MLXIP: variants seen among roughly 807,000 people sequenced by gnomAD.
MLXIP encodes the protein MLX-interacting protein.
MLXIP carries 30 observed loss-of-function variants against 87.2 expected under a neutral mutation model. That is an observed-to-expected ratio of 0.34 (90% confidence interval 0.26 to 0.47). The LOEUF is 0.47. MLXIP is among the 20% of genes least tolerant of loss of function. The pLI is 1.00. For missense variants in MLXIP, 1,002 were observed against 1,240.1 expected (o/e 0.81, Z 2.88); for synonymous variants, 530 against 514.0 (o/e 1.03, Z -0.42).
In MLXIP at chr12:122,143,959, A is replaced by G. The variant is rs1953255401; in HGVS notation, c.*2147A>G. On this transcript the variant is annotated 3_prime_UTR_variant, in exon 17 of 17. Coordinates refer to ENST00000319080, the MANE Select transcript of MLXIP (RefSeq NM_014938.6). ...GGAGATGCATGTCTTTGTATTGGAG[A>G]TATTTCTGTAACTCATTCTCTTGGT... is the stretch of plus-strand genomic sequence containing the variant. 6.6e-6 allele frequency: 1 copy of G among 152,654 alleles called. No individual in the cohort carries two copies. Among genetic ancestry groups the G allele is most frequent in the African/African-American group, 2.4e-5 (1 of 41,426 alleles). 9.5% of individuals were successfully genotyped at this position (152,654 alleles called of 1,614,324 possible).
chr12:122,114,199 T>C (rs1952650777), intron 1 of MLXIP, among the ~76,000 whole-genome samples: 1 of 150,934 alleles, frequency 6.6e-6, no homozygotes, highest in Non-Finnish European at 1.5e-5. Context: ...TTGGCCAGAC[T>C]GTTATCAAAC....
Position 122,137,471 on chromosome 12 carries a change from C to A in MLXIP, c.2035C>A (p.Arg679=). The A allele has an allele frequency of 6.2e-7, 1 of 1,613,450 alleles. No individual in the cohort carries two copies. The highest frequency in any genetic ancestry group is 1.1e-5 in the South Asian group (1 of 91,016). ...TCAGAGGAGTCTGTTCTTACCAGGT[C>A]GGGACTGCCCAAACTCAGGGCAGGC... is the stretch of plus-strand genomic sequence containing the variant. ...SPQVTVTGPS[R]DCPNSGQASP... Residue 679 remains arginine, a splice_region_variant and synonymous_variant, in exon 12 of 17, where the codon CGG becomes AGG. Transcript: ENST00000319080. This position sits in a 1 kb window ranked among gnomAD's most constrained non-coding sequence, Gnocchi z 4.1.
chr12:122,101,148 A>G (rs1380619135), intron 1 of MLXIP, among the ~76,000 whole-genome samples: 4 of 152,200 alleles, frequency 2.6e-5, no homozygotes, highest in African/African-American at 9.6e-5. Flanking sequence ...TGAGATGGAC[A>G]TTCACTTCTT....
At chr12:122,089,668 G>A (rs1343363876) in intron 1 of MLXIP, among the ~76,000 whole-genome samples, 1 of 152,104 alleles carries the variant, frequency 6.6e-6, no homozygotes, top group Non-Finnish European at 1.5e-5. Context: ...CCCAGTGCTG[G>A]GACATTCCAT....
rs968237535 is a variant in MLXIP, at chr12:122,137,609, T to G, written c.2154+19T>G. On this transcript the variant is annotated intron_variant, in intron 12 of 16. Transcript: ENST00000319080. The surrounding 1 kb of genome is among the most constrained non-coding windows in gnomAD (Gnocchi z 4.1). ...ACTAAAGGTACCGCATGTCTCCTCT[T>G]GGTTCCCTTGGGAGGAGGGGAGAGG... The G allele has an allele frequency of 3.1e-6, 5 of 1,612,396 alleles. No individual in the cohort carries two copies. Among genetic ancestry groups the G allele is most frequent in the Non-Finnish European group, 3.4e-6 (4 of 1,178,994 alleles).
At position 122,135,439 on chromosome 12, in the gene MLXIP, C is replaced by A. The variant is rs747991331; in HGVS notation, c.1855-50C>A. 2 of 1,606,994 alleles carry A rather than the reference C, an allele frequency of 1.2e-6. No homozygotes were observed. Among genetic ancestry groups the A allele is most frequent in the Non-Finnish European group, 1.7e-6 (2 of 1,176,828 alleles). On this transcript the variant is annotated intron_variant, in intron 10 of 16. Coordinates refer to ENST00000319080, the MANE Select transcript of MLXIP (RefSeq NM_014938.6). This position sits in a 1 kb window ranked among gnomAD's most constrained non-coding sequence, Gnocchi z 5.3. ...TCACCTGAGACGACTGGTGTGCCGC[C>A]CTGCTGTATATCAGCAGTCAGGGGT...
intron 1 of MLXIP, among the ~76,000 whole-genome samples, chr12:122,079,761 G>T (rs1952064663): frequency 6.6e-6 from 1 of 152,258 alleles, no homozygotes; most frequent in Non-Finnish European, 1.5e-5. Flanking sequence ...CCAAGGGGCT[G>T]TTGTGGGGAT....
chr12:122,093,786 G>T (rs1952292497), intron 1 of MLXIP, among the ~76,000 whole-genome samples: 1 of 140,782 alleles, frequency 7.1e-6, no homozygotes, highest in Non-Finnish European at 1.6e-5. Flanking sequence ...TGTATTTGCA[G>T]TGTCTGTGTG....
intron 1 of MLXIP, among the ~76,000 whole-genome samples, chr12:122,093,453 G>A (rs960365240): frequency 6.8e-6 from 1 of 146,572 alleles, no homozygotes; most frequent in South Asian, 2.2e-4. Context: ...TATGTGTGGG[G>A]TGTGTGTATG....
At chr12:122,125,921 C>T (rs2135966897) in intron 1 of MLXIP, among the ~76,000 whole-genome samples, 1 of 152,334 alleles carries the variant, frequency 6.6e-6, no homozygotes, top group Admixed American at 6.5e-5. Context: ...TCCAGGTTCA[C>T]AGAATGTTTG....
At chr12:122,127,645 T>C (rs1030515571) in intron 2 of MLXIP, among the ~76,000 whole-genome samples, 4 of 152,242 alleles carry the variant, frequency 2.6e-5, no homozygotes, top group Non-Finnish European at 1.5e-5. Flanking sequence ...AGGCTTGTGT[T>C]GGGCTGGTCT....
In MLXIP at chr12:122,129,151, A is replaced by T; in HGVS notation, c.621A>T (p.Glu207Asp). 6.2e-7 allele frequency: 1 copy of T among 1,610,270 alleles called. No homozygotes were observed. The highest frequency in any genetic ancestry group is 8.5e-7 in the Non-Finnish European group (1 of 1,178,370). ...CCCTGTCCTAGGCCATCACCACGGA[A>T]GGGAAGTACTGGAAGAGCCGCATCG... ...EHRRPEAITT[E>D]GKYWKSRIEI... is the part of the protein sequence containing the mutation. The change falls in exon 4 of 17, where the codon GAA (glutamate) becomes GAT (aspartate). Residue 207 changes from glutamate to aspartate, a missense_variant. Physicochemically the swap from Glu to Asp is conservative, Grantham distance 45 (BLOSUM62 2). Coordinates refer to ENST00000319080, the MANE Select transcript of MLXIP (RefSeq NM_014938.6).
At chr12:122,139,016 C>T in intron 15 of MLXIP, 78 bp downstream of exon 15, 1 of 1,575,430 alleles carries the variant, frequency 6.3e-7, no homozygotes, top group East Asian at 2.3e-5. Context: ...ACTGTAGTTA[C>T]TTTAGAAAGA....
intron 1 of MLXIP, among the ~76,000 whole-genome samples, chr12:122,095,990 G>A (rs1428354245): frequency 2.0e-5 from 3 of 151,814 alleles, no homozygotes; most frequent in Non-Finnish European, 4.4e-5. Context: ...TCAGCCTCCC[G>A]AGTAGCTGGG....
intron 1 of MLXIP, among the ~76,000 whole-genome samples, chr12:122,106,595 C>CTTTTTTTTT (rs1162475087): frequency 3.2e-5 from 2 of 62,872 alleles, no homozygotes; most frequent in East Asian, 5.4e-4. Flanking sequence ...ATCGCAGGTT[C>CTTTTTTTTT]TTTTTTTTTT....
intron 1 of MLXIP, 76 bp downstream of exon 1, chr12:122,079,342 G>C: frequency 7.7e-7 from 1 of 1,306,346 alleles, no homozygotes; most frequent in South Asian, 1.3e-5. Context: ...GGGAAGGGCC[G>C]CCTGGCAACC....
At chr12:122,093,040 T>C (rs1952271373) in intron 1 of MLXIP, among the ~76,000 whole-genome samples, 1 of 147,496 alleles carries the variant, frequency 6.8e-6, no homozygotes, top group African/African-American at 2.5e-5. Context: ...GTGTGGTGTG[T>C]GTGTATGGTG....
chr12:122,108,448 CA>C (rs1322177622), intron 1 of MLXIP, among the ~76,000 whole-genome samples: 1 of 150,628 alleles, frequency 6.6e-6, no homozygotes, highest in Non-Finnish European at 1.5e-5. Context: ...ATCATATTAT[CA>C]TTCTTCCTTA....
intron 1 of MLXIP, among the ~76,000 whole-genome samples, chr12:122,097,782 C>T (rs1952376792): frequency 6.6e-6 from 1 of 152,160 alleles, no homozygotes; most frequent in African/African-American, 2.4e-5. Context: ...TCCCTACTCT[C>T]CCAGGCTGCT....
Sources: allele counts gnomAD v4.1 joint callset (sites outside exome capture counted in the v4.1 genomes callset), GRCh38; gene constraint gnomAD v4.1.1; non-coding constraint Gnocchi (gnomAD v3.1); transcripts MANE v1.5; gene names NCBI Gene and HGNC (gene_info 2026-07-23, HGNC 2026-07-21).